Variants in EPHA5 observed in about 807,000 individuals in gnomAD.
EPHA5 encodes EPH receptor A5.
EPHA5 carries 60 observed loss-of-function variants against 105.0 expected under a neutral mutation model. The ratio of observed to expected loss-of-function variants is 0.57; its 90% CI spans 0.46 to 0.71. The LOEUF (loss-of-function observed/expected upper bound fraction) is 0.71. Ranked by LOEUF, EPHA5 falls within the 30% of genes least tolerant of loss-of-function variation. EPHA5 has a pLI of 0.00. For missense variants in EPHA5, 1,218 were observed against 1,274.7 expected (o/e 0.96, Z 0.68); for synonymous variants, 513 against 449.1 (o/e 1.14, Z -1.80).
chr4:65,438,884 A>G (rs1211433258), intron 5 of EPHA5, among the ~76,000 whole-genome samples: 1 of 152,164 alleles, frequency 6.6e-6, no homozygotes, highest in Non-Finnish European at 1.5e-5. Context: ...AAAAGGAGTG[A>G]GAACTTAGAA....
chr4:65,518,671 A>G (rs1734354431), intron 3 of EPHA5, among the ~76,000 whole-genome samples: 1 of 152,018 alleles, frequency 6.6e-6, no homozygotes, highest in Non-Finnish European at 1.5e-5. Context: ...CAGGAAATGT[A>G]CCCTTTAAAT....
intron 7 of EPHA5, among the ~76,000 whole-genome samples, chr4:65,405,220 G>A (rs926016032): frequency 1.3e-5 from 2 of 151,982 alleles, no homozygotes; most frequent in Admixed American, 1.3e-4. Context: ...TTAGGTAGTT[G>A]TACTTAAATA....
intron 8 of EPHA5, among the ~76,000 whole-genome samples, chr4:65,403,466 A>G (rs559385594): frequency 6.6e-6 from 1 of 152,132 alleles, no homozygotes; most frequent in South Asian, 2.1e-4. Flanking sequence ...ATGATCTAAC[A>G]CCAAAATATA....
At chr4:65,445,407 G>GA in intron 5 of EPHA5, among the ~76,000 whole-genome samples, 1 of 152,112 alleles carries the variant, frequency 6.6e-6, no homozygotes, top group South Asian at 2.1e-4. Context: ...AATCACAGAT[G>GA]AAAAAGCCTA....
intron 3 of EPHA5, among the ~76,000 whole-genome samples, chr4:65,578,529 T>C (rs1251170220): frequency 1.3e-5 from 2 of 152,196 alleles, no homozygotes; most frequent in Non-Finnish European, 2.9e-5. Flanking sequence ...CACTAATATA[T>C]GAGCAGTGTA....
intron 11 of EPHA5, among the ~76,000 whole-genome samples, chr4:65,358,167 T>C (rs559697646): frequency 6.6e-6 from 1 of 151,640 alleles, no homozygotes; most frequent in African/African-American, 2.4e-5. Flanking sequence ...AACACTAAAC[T>C]AGGCCACATC....
At chr4:65,356,864 C>T (rs1723349808) in intron 11 of EPHA5, among the ~76,000 whole-genome samples, 1 of 151,418 alleles carries the variant, frequency 6.6e-6, no homozygotes, top group Non-Finnish European at 1.5e-5. Flanking sequence ...ATTAACATGG[C>T]TTACTCTAAC....
At chr4:65,608,462 C>T (rs1302309588) in intron 2 of EPHA5, among the ~76,000 whole-genome samples, 1 of 151,754 alleles carries the variant, frequency 6.6e-6, no homozygotes, top group Non-Finnish European at 1.5e-5. Context: ...CGAGATTGCG[C>T]CACTGCACCC....
intron 5 of EPHA5, among the ~76,000 whole-genome samples, chr4:65,456,510 C>G (rs1289380554): frequency 1.3e-5 from 2 of 152,104 alleles, no homozygotes; most frequent in Non-Finnish European, 2.9e-5. Flanking sequence ...TAGTGTGTCA[C>G]AACAAGACTG....
chr4:65,654,923 G>A (rs1409406638), intron 1 of EPHA5, among the ~76,000 whole-genome samples: 1 of 146,458 alleles, frequency 6.8e-6, no homozygotes, highest in Non-Finnish European at 1.5e-5. Context: ...TTATATGTAT[G>A]TATATAAGCT....
At chr4:65,461,594 C>A (rs565840473) in intron 5 of EPHA5, among the ~76,000 whole-genome samples, 2 of 151,994 alleles carry the variant, frequency 1.3e-5, no homozygotes, top group East Asian at 3.9e-4. Flanking sequence ...CACAAAAGAG[C>A]AGATTAATGG....
chr4:65,345,865 C>T (rs1245199433), intron 14 of EPHA5, among the ~76,000 whole-genome samples: 61 of 152,042 alleles, frequency 4.0e-4, no homozygotes, highest in Non-Finnish European at 6.6e-4. Context: ...CTCTGCCTCC[C>T]GGGTTCATGC....
At chr4:65,483,299 T>C (rs1578220852) in intron 5 of EPHA5, among the ~76,000 whole-genome samples, 1 of 152,292 alleles carries the variant, frequency 6.6e-6, no homozygotes, top group Admixed American at 6.5e-5. Flanking sequence ...TTTGCTATTG[T>C]GAATAGTGCC....
chr4:65,505,211 C>T (rs1415631555), intron 3 of EPHA5, among the ~76,000 whole-genome samples: 1 of 151,960 alleles, frequency 6.6e-6, no homozygotes, highest in Non-Finnish European at 1.5e-5. Flanking sequence ...GAATAAGCTA[C>T]GTTTGAATTA....
rs567848959 is a variant in EPHA5, at chr4:65,419,629, G to A, written c.1527+812C>T. ...TAGAATTCAGGTTGTCCTAAGGTGC[G>A]TATGCCATTCAGGTCCAGCCAGTAG... On this transcript the variant is annotated intron_variant, in intron 6 of 16. Transcript: ENST00000613740. Among the ~76,000 whole-genome samples the A allele has an allele frequency of 2.6e-5, 4 of 152,208 alleles. No individual in the cohort carries two copies. In the East Asian group the frequency reaches 5.8e-4, roughly 22 times the overall value.
intron 16 of EPHA5, chr4:65,331,727 A>C (rs1560417061): frequency 8.3e-7 from 1 of 1,200,814 alleles, no homozygotes; most frequent in Non-Finnish European, 1.0e-6. Context: ...TTTGCCAAGG[A>C]GCTGTTATTC....
intron 7 of EPHA5, among the ~76,000 whole-genome samples, chr4:65,411,116 AT>A (rs757950730): frequency 8.5e-5 from 13 of 152,058 alleles, no homozygotes; most frequent in Non-Finnish European, 1.8e-4. Context: ...TATTATTTTT[AT>A]GCATGATAAA....
chr4:65,581,416 A>G (rs1200272223), intron 3 of EPHA5, among the ~76,000 whole-genome samples: 1 of 151,754 alleles, frequency 6.6e-6, no homozygotes, highest in Non-Finnish European at 1.5e-5. Flanking sequence ...TACATATCCT[A>G]CAAAGTCAAT....
intron 7 of EPHA5, among the ~76,000 whole-genome samples, chr4:65,413,202 A>G (rs62297994): frequency 0.16 from 24,656 of 152,138 alleles, 2,090 homozygotes; most frequent in Middle Eastern, 0.26. Context: ...TAGCATTAGA[A>G]GTTCAAATTT....
Sources: allele counts gnomAD v4.1 joint callset (sites outside exome capture counted in the v4.1 genomes callset), GRCh38; gene constraint gnomAD v4.1.1; transcripts MANE v1.5; gene names NCBI Gene and HGNC (gene_info 2026-07-23, HGNC 2026-07-21).